Variants in TLR1 observed in about 807,000 individuals in gnomAD.
TLR1 encodes the protein toll like receptor 1.
TLR1 carries 19 observed loss-of-function variants against 20.2 expected under a neutral mutation model. The ratio of observed to expected loss-of-function variants is 0.94; its 90% CI spans 0.66 to 1.38. The LOEUF (loss-of-function observed/expected upper bound fraction) is 1.38. Among genes scored for constraint, TLR1 ranks in the 40% most tolerant of loss-of-function variants. The pLI, the probability that TLR1 is intolerant of heterozygous loss-of-function variation, is 0.00. For missense variants in TLR1, 921 were observed against 910.0 expected (o/e 1.01, Z -0.16); for synonymous variants, 320 against 334.5 (o/e 0.96, Z 0.47).
In TLR1 at chr4:38,798,614, A is replaced by G; in HGVS notation, c.218T>C (p.Ile73Thr). Reference sequence around the variant, plus strand: ...GATTCTATTATGAGAAATTATCAAAATCCTCAGTTTTGACAGTGATAAGAT... The same window carrying G: ...GATTCTATTATGAGAAATTATCAAAGTCCTCAGTTTTGACAGTGATAAGAT... The part of the protein sequence containing the change: ...SDILSLSKLR[I>T]LIISHNRIQY... The change falls in exon 4 of 4, where the codon ATT becomes ACT. Residue 73 changes from isoleucine to threonine, a missense_variant. Transcript: ENST00000308979. The G allele has an allele frequency of 6.2e-7, 1 of 1,613,778 alleles. No homozygotes were observed.
chr4:38,801,634 A>C (rs4540055), intron 2 of TLR1, among the ~76,000 whole-genome samples: 24,364 of 152,130 alleles, frequency 0.16, 4,673 homozygotes, highest in African/African-American at 0.46. Flanking sequence ...TGATCAGCAC[A>C]GTCAGGCGTG....
downstream of TLR1, among the ~76,000 whole-genome samples, chr4:38,791,552 G>T (rs1025656805): frequency 7.2e-5 from 11 of 151,952 alleles, no homozygotes; most frequent in Admixed American, 5.2e-4. Context: ...TGCCTCATTT[G>T]TTCATTCGCT....
chr4:38,801,559 C>CT (rs2109365288), intron 2 of TLR1, among the ~76,000 whole-genome samples: 1 of 152,330 alleles, frequency 6.6e-6, no homozygotes, highest in South Asian at 2.1e-4. Flanking sequence ...CTGCTTATTC[C>CT]TATGCCTGAA....
At chr4:38,794,607 A>G (rs1005356187), downstream of TLR1, 1 of 151,770 alleles carries the variant, frequency 6.6e-6, no homozygotes, top group Non-Finnish European at 1.5e-5. Context: ...AAAAATCCAA[A>G]GTTAAAGTCT....
chr4:38,794,932 C>A (rs1251874260), downstream of TLR1, among the ~76,000 whole-genome samples: 1 of 151,952 alleles, frequency 6.6e-6, no homozygotes, highest in East Asian at 1.9e-4. Flanking sequence ...TTTCTAGACT[C>A]CTTGAGTTAA....
At chr4:38,805,207 A>G (rs1170268491), upstream of TLR1, 29 of 152,188 alleles carry the variant, frequency 1.9e-4, no homozygotes, top group Admixed American at 1.9e-3. Context: ...TTAAAAGTGG[A>G]AAGAGGGAGG....
intron 2 of TLR1, among the ~76,000 whole-genome samples, chr4:38,801,602 A>G (rs1360306485): frequency 6.6e-6 from 1 of 152,110 alleles, no homozygotes; most frequent in African/African-American, 2.4e-5. Flanking sequence ...CTCCTAGCCA[A>G]CTCCAGAGTT....
chr4:38,796,869 AT>A lies in TLR1; in HGVS notation c.1962del (p.Glu654AspfsTer6), dbSNP rs750106853. 1 of 1,614,242 alleles carries A rather than the reference AT, an allele frequency of 6.2e-7. No individual in the cohort carries two copies. The highest frequency in any genetic ancestry group is 1.1e-5 in the South Asian group (1 of 91,090). On this transcript the variant is annotated frameshift_variant, in exon 4 of 4. Coordinates refer to ENST00000308979, the MANE Select transcript of TLR1 (RefSeq NM_003263.4). LOFTEE classifies it high-confidence loss of function. ...CCTTCTTTCTCTAGGTTTGGCAATA[AT>A]TCATTCTTCACCCAGAAAGAATCGT... Reference protein sequence around the residue: ...SGHDSFWVKNELLPNLEKEGM... With the variant: ...SGHDSFWVKNXLLPNLEKEGM...
chr4:38,793,937 G>T (rs964748883), downstream of TLR1, among the ~76,000 whole-genome samples: 1 of 151,758 alleles, frequency 6.6e-6, no homozygotes, highest in African/African-American at 2.4e-5. Flanking sequence ...GAGGGAAGAC[G>T]ATGTGAAGAG....
intron 2 of TLR1, 41 bp downstream of exon 2, chr4:38,804,265 T>C (rs952479719): frequency 6.6e-6 from 1 of 152,208 alleles, no homozygotes; most frequent in Non-Finnish European, 1.5e-5. Context: ...ACAGAAGGAC[T>C]AGCTAGTGGG....
chr4:38,801,706 A>G (rs1726658389), intron 2 of TLR1, among the ~76,000 whole-genome samples: 3 of 152,254 alleles, frequency 2.0e-5, no homozygotes, highest in Admixed American at 2.0e-4. Flanking sequence ...CTTGGCTCGC[A>G]GAACCTACCA....
intron 3 of TLR1, among the ~76,000 whole-genome samples, chr4:38,799,118 T>G (rs1726453215): frequency 6.6e-6 from 1 of 152,180 alleles, no homozygotes. Context: ...TGTAATAGGT[T>G]GAATGGTGGC....
chr4:38,800,673 C>T (rs1407726364), intron 3 of TLR1, 184 bp downstream of exon 3: 1 of 152,590 alleles, frequency 6.6e-6, no homozygotes, highest in African/African-American at 2.4e-5. Flanking sequence ...CCCCTAGAAC[C>T]ATTAGACAAG....
chr4:38,793,879 C>G (rs1725867032), downstream of TLR1, among the ~76,000 whole-genome samples: 1 of 148,700 alleles, frequency 6.7e-6, no homozygotes, highest in Admixed American at 6.6e-5. Flanking sequence ...AATTGGTGTC[C>G]TTATTAAAAA....
chr4:38,796,813 A>G lies in TLR1; in HGVS notation c.2019T>C (p.Phe673=), dbSNP rs1398529449. Reference sequence around the variant, plus strand: ...TTTCCACAATGCTCTTGCCAGGAACAAAGTTTCTCTCATGAAGGCAAATCT... The same window carrying G: ...TTTCCACAATGCTCTTGCCAGGAACGAAGTTTCTCTCATGAAGGCAAATCT... ...GMQICLHERN[F]VPGKSIVENI... Residue 673 remains phenylalanine, a synonymous_variant, in exon 4 of 4, where the codon TTT becomes TTC. Transcript: ENST00000308979. The G allele has an allele frequency of 1.9e-6, 3 of 1,614,132 alleles. No homozygotes were observed. The highest frequency in any genetic ancestry group is 2.5e-6 in the Non-Finnish European group (3 of 1,180,048).
At chr4:38,793,974 T>A (rs1403697611), downstream of TLR1, among the ~76,000 whole-genome samples, 1 of 151,432 alleles carries the variant, frequency 6.6e-6, no homozygotes, top group South Asian at 2.1e-4. Context: ...CATCTATGAG[T>A]TAAGAAAAGA....
chr4:38,793,807 A>G (rs905592029), downstream of TLR1, among the ~76,000 whole-genome samples: 13 of 152,098 alleles, frequency 8.5e-5, no homozygotes, highest in Non-Finnish European at 7.4e-5. Flanking sequence ...CCTTGGAAAT[A>G]AGGTTGTTGG....
At chr4:38,792,196 G>A (rs1358715520), downstream of TLR1, among the ~76,000 whole-genome samples, 1 of 152,136 alleles carries the variant, frequency 6.6e-6, no homozygotes, top group East Asian at 1.9e-4. Context: ...TTTAATCCCA[G>A]CATGCCGGTT....
At chr4:38,796,198 C>T (rs1238775813), downstream of TLR1, 2 of 409,374 alleles carry the variant, frequency 4.9e-6, no homozygotes, top group Non-Finnish European at 8.8e-6. Context: ...ACAGGTGCTT[C>T]CCTTGACTTC....
Sources: gnomAD v4.1 joint callset for allele counts (sites outside exome capture counted in the v4.1 genomes callset) on GRCh38, gnomAD v4.1.1 for gene constraint, MANE v1.5 for transcripts, NCBI Gene and HGNC (gene_info 2026-07-23, HGNC 2026-07-21) for gene names.